Variants in FAM13C observed in about 807,000 individuals in gnomAD.
FAM13C encodes the protein family with sequence similarity 13 member C, also known as protein FAM13C.
A neutral mutation model predicts 73.2 loss-of-function variants in FAM13C; 37 were observed. The ratio of observed to expected loss-of-function variants is 0.51; its 90% CI spans 0.39 to 0.67. The LOEUF is 0.67. FAM13C is among the 30% of genes least tolerant of loss of function. FAM13C has a pLI of 0.00. For synonymous variants in FAM13C, 246 were observed against 260.9 expected (o/e 0.94, Z 0.55); for missense variants, 589 against 715.6 (o/e 0.82, Z 2.02).
chr10:59,339,609 C>T (rs868053814), intron 3 of FAM13C, among the ~76,000 whole-genome samples: 2 of 152,170 alleles, frequency 1.3e-5, no homozygotes, highest in African/African-American at 4.8e-5. Flanking sequence ...TTACTCCCCT[C>T]AACTTACAAG....
intron 10 of FAM13C, 103 bp downstream of exon 10, chr10:59,262,330 TA>T: frequency 1.9e-6 from 2 of 1,056,626 alleles, no homozygotes; most frequent in Non-Finnish European, 2.7e-6. Flanking sequence ...GCCAGGCTAA[TA>T]AAAATATTGA....
chr10:59,290,743 A>G (rs1290659688), intron 5 of FAM13C, among the ~76,000 whole-genome samples: 2 of 152,214 alleles, frequency 1.3e-5, no homozygotes. Flanking sequence ...CATGAGAGCT[A>G]GCACCGTACC....
intron 4 of FAM13C, among the ~76,000 whole-genome samples, chr10:59,304,492 G>C (rs887729611): frequency 1.3e-5 from 2 of 151,852 alleles, no homozygotes; most frequent in African/African-American, 4.8e-5. Context: ...AATTTTGAGT[G>C]AAAACCAAAT....
At chr10:59,333,708 CTTGT>C (rs1318192943) in intron 3 of FAM13C, among the ~76,000 whole-genome samples, 3 of 150,854 alleles carry the variant, frequency 2.0e-5, no homozygotes, top group Non-Finnish European at 4.4e-5. Context: ...CTCAAGCTCC[CTTGT>C]TTGTTTTATT....
At chr10:59,251,542 A>C in intron 13 of FAM13C, 33 bp downstream of exon 13, 17 of 1,577,412 alleles carry the variant, frequency 1.1e-5, no homozygotes, top group Non-Finnish European at 1.5e-5. Context: ...TCTAGGAAGT[A>C]TTAGCTTTAA....
intron 4 of FAM13C, among the ~76,000 whole-genome samples, chr10:59,322,586 T>G (rs1850464909): frequency 6.6e-6 from 1 of 152,222 alleles, no homozygotes; most frequent in South Asian, 2.1e-4. Context: ...GCTAACGCCA[T>G]TTTCCCCTGT....
chr10:59,257,816 A>G (rs531772915), intron 10 of FAM13C, among the ~76,000 whole-genome samples: 47 of 152,360 alleles, frequency 3.1e-4, no homozygotes, highest in African/African-American at 1.1e-3. Flanking sequence ...ACCAGAAGAC[A>G]TGAGTTCAGA....
At chr10:59,309,780 T>C (rs1398352058) in intron 4 of FAM13C, among the ~76,000 whole-genome samples, 2 of 152,232 alleles carry the variant, frequency 1.3e-5, no homozygotes, top group Non-Finnish European at 2.9e-5. Context: ...GCAAGGACCA[T>C]AGCAGCCTTG....
chr10:59,336,700 G>A (rs1852765740), intron 3 of FAM13C, among the ~76,000 whole-genome samples: 1 of 152,248 alleles, frequency 6.6e-6, no homozygotes, highest in African/African-American at 2.4e-5. Flanking sequence ...GAGTTCAGAT[G>A]CTTGGCAGCC....
At chr10:59,284,697 C>G (rs573100843) in intron 5 of FAM13C, among the ~76,000 whole-genome samples, 1 of 151,322 alleles carries the variant, frequency 6.6e-6, no homozygotes, top group East Asian at 2.0e-4. Context: ...ACCAAACCCC[C>G]ATACTCTCAT....
At chr10:59,353,331 G>T (rs1053392303) in intron 2 of FAM13C, among the ~76,000 whole-genome samples, 11 of 152,074 alleles carry the variant, frequency 7.2e-5, no homozygotes, top group African/African-American at 2.7e-4. Context: ...TTTTCATTCT[G>T]CTAAGTATCA....
intron 3 of FAM13C, among the ~76,000 whole-genome samples, chr10:59,331,583 A>G (rs1164691981): frequency 6.6e-6 from 1 of 152,160 alleles, no homozygotes; most frequent in Non-Finnish European, 1.5e-5. Flanking sequence ...TAAGTAAGGC[A>G]TGTTCAGATT....
intron 8 of FAM13C, among the ~76,000 whole-genome samples, chr10:59,267,978 G>A (rs1843251686): frequency 6.6e-6 from 1 of 152,144 alleles, no homozygotes; most frequent in Non-Finnish European, 1.5e-5. Context: ...CATGTTTGCT[G>A]CAGTGCAGTA....
rs78204935 is a variant in FAM13C, at chr10:59,323,457, C to A, written c.443+531G>T. 7.6e-3 allele frequency: 1,249 copies of A among 163,686 alleles called. 25 individuals are homozygous for A. Among genetic ancestry groups the A allele is most frequent in the African/African-American group, 0.029 (1,194 of 41,622 alleles). 10.1% of individuals were successfully genotyped at this position (163,686 alleles called of 1,614,324 possible). A position where few individuals can be genotyped will look rare whatever the true frequency, so the allele number is the denominator to read the frequency against. On this transcript the variant is annotated intron_variant, in intron 4 of 13. Coordinates refer to ENST00000618804, the MANE Select transcript of FAM13C (RefSeq NM_198215.4). ...ACTCGGGTCAGCACAGAATCTGCAC[C>A]TGCCATGCTGCAATCAGACATTTGT...
At chr10:59,278,834 A>G (rs1212496126) in intron 6 of FAM13C, among the ~76,000 whole-genome samples, 1 of 83,894 alleles carries the variant, frequency 1.2e-5, no homozygotes, top group Non-Finnish European at 2.2e-5. Context: ...ACATACACAT[A>G]CACACACACA....
At chr10:59,354,828 T>G (rs1855509509) in intron 2 of FAM13C, among the ~76,000 whole-genome samples, 1 of 152,022 alleles carries the variant, frequency 6.6e-6, no homozygotes, top group South Asian at 2.1e-4. Flanking sequence ...CTTCACATCT[T>G]ATCTTACCTC....
At chr10:59,311,460 C>A (rs1018831231) in intron 4 of FAM13C, among the ~76,000 whole-genome samples, 16 of 152,158 alleles carry the variant, frequency 1.1e-4, no homozygotes, top group African/African-American at 3.6e-4. Flanking sequence ...GCTTTCATCA[C>A]CTCATTCATT....
At chr10:59,350,379 G>C (rs1854880248) in intron 3 of FAM13C, among the ~76,000 whole-genome samples, 1 of 152,186 alleles carries the variant, frequency 6.6e-6, no homozygotes, top group Admixed American at 6.5e-5. Flanking sequence ...AGTCTGAGGA[G>C]AGATGGCTGG....
At chr10:59,256,351 A>C (rs1200549355) in intron 10 of FAM13C, among the ~76,000 whole-genome samples, 2 of 151,992 alleles carry the variant, frequency 1.3e-5, no homozygotes, top group African/African-American at 4.8e-5. Flanking sequence ...GATTTTTGTG[A>C]TTTGAATGTA....
Sources: gnomAD v4.1 joint callset for allele counts (sites outside exome capture counted in the v4.1 genomes callset) on GRCh38, gnomAD v4.1.1 for gene constraint, MANE v1.5 for transcripts, NCBI Gene and HGNC (gene_info 2026-07-23, HGNC 2026-07-21) for gene names.